BZW2: variants seen among roughly 807,000 people sequenced by gnomAD.
BZW2 encodes basic leucine zipper and W2 domains 2.
In BZW2, 23 loss-of-function variants were observed where a neutral mutation model predicts 53.2. The observed-to-expected ratio is 0.43, with a 90% confidence interval of 0.31 to 0.61. The LOEUF is 0.61. Ranked by LOEUF, BZW2 falls within the 20% of genes least tolerant of loss-of-function variation. The probability of loss-of-function intolerance (pLI) is 0.09; values close to 1 mark genes in which losing one functional copy is unlikely to be tolerated. For synonymous variants in BZW2, 227 were observed against 186.4 expected (o/e 1.22, Z -1.77); for missense variants, 409 against 503.1 (o/e 0.81, Z 1.79).
chr7:16,701,370 G>C (rs778150516), intron 10 of BZW2, among the ~76,000 whole-genome samples: 1 of 151,984 alleles, frequency 6.6e-6, no homozygotes, highest in Non-Finnish European at 1.5e-5. Context: ...GGGTTTTCTT[G>C]TTTGCAGAAA....
chr7:16,662,537 G>C (rs1164104458), intron 1 of BZW2, among the ~76,000 whole-genome samples: 1 of 152,072 alleles, frequency 6.6e-6, no homozygotes, highest in African/African-American at 2.4e-5. Context: ...GAGTTAATTA[G>C]GGAATTCCAT....
At chr7:16,670,566 A>G (rs552106426) in intron 2 of BZW2, among the ~76,000 whole-genome samples, 1 of 152,258 alleles carries the variant, frequency 6.6e-6, no homozygotes, top group East Asian at 1.9e-4. Flanking sequence ...CACCTTTCTC[A>G]TATTATAGGA....
At chr7:16,651,614 G>A (rs977418390) in intron 1 of BZW2, among the ~76,000 whole-genome samples, 1 of 152,186 alleles carries the variant, frequency 6.6e-6, no homozygotes, top group Non-Finnish European at 1.5e-5. Context: ...GTATTTGGGA[G>A]TGTGAAGATT....
intron 10 of BZW2, among the ~76,000 whole-genome samples, chr7:16,704,273 G>A (rs1471437809): frequency 6.6e-6 from 1 of 152,184 alleles, no homozygotes; most frequent in Non-Finnish European, 1.5e-5. Context: ...AATTAGCACT[G>A]TGAGAGATTT....
chr7:16,682,826 T>A lies in BZW2; in HGVS notation c.386T>A (p.Phe129Tyr). ...IRRYKYLEKA[F>Y]EDEMKKLLLF... Reference sequence around the variant, plus strand: ...AGATATAAGTATTTGGAGAAGGCATTTGAAGATGAAATGAAAAAGGTAAAA... The same window carrying A: ...AGATATAAGTATTTGGAGAAGGCATATGAAGATGAAATGAAAAAGGTAAAA... The change falls in exon 5 of 12, where the codon TTT becomes TAT. Residue 129 changes from phenylalanine to tyrosine, a missense_variant. Coordinates refer to ENST00000258761, the MANE Select transcript of BZW2 (RefSeq NM_014038.3). 1 of 1,579,916 alleles carries A rather than the reference T, an allele frequency of 6.3e-7. No homozygotes were observed. The highest frequency in any genetic ancestry group is 8.7e-7 in the Non-Finnish European group (1 of 1,155,796).
intron 1 of BZW2, among the ~76,000 whole-genome samples, chr7:16,646,983 A>G (rs960917157): frequency 7.2e-5 from 11 of 152,082 alleles, no homozygotes; most frequent in Non-Finnish European, 1.5e-4. Flanking sequence ...GGGAGGTTGG[A>G]GAGGGCGGAG....
chr7:16,672,534 T>C (rs1168088185), intron 2 of BZW2, among the ~76,000 whole-genome samples: 1 of 152,190 alleles, frequency 6.6e-6, no homozygotes, highest in South Asian at 2.1e-4. Flanking sequence ...CCTTTCTCTC[T>C]AGAGAGATCT....
chr7:16,682,078 T>C lies in BZW2; in HGVS notation c.339+674T>C, dbSNP rs995927315. On this transcript the variant is annotated intron_variant, in intron 4 of 11. Transcript: ENST00000258761. The stretch of plus-strand genomic sequence containing the variant: ...CATAAAGGGCAACCATATTTTTTAC[T>C]CTTGGACTCCATCTTGATTACATTA... Among the ~76,000 whole-genome samples the C allele has an allele frequency of 1.8e-4, 27 of 152,322 alleles. 1 individual carries two copies. Among genetic ancestry groups the C allele is most frequent in the Middle Eastern group, 3.4e-3 (1 of 294 alleles).
chr7:16,668,578 A>T (rs1026480231), intron 2 of BZW2, among the ~76,000 whole-genome samples: 1 of 152,172 alleles, frequency 6.6e-6, no homozygotes, highest in African/African-American at 2.4e-5. Context: ...CTTTGCTATT[A>T]TGAAGGGGCT....
chr7:16,664,426 A>G (rs1782358251), intron 1 of BZW2, among the ~76,000 whole-genome samples: 1 of 152,226 alleles, frequency 6.6e-6, no homozygotes, highest in South Asian at 2.1e-4. Context: ...AATGATTGCA[A>G]GGAGATAGCC....
At position 16,682,857 on chromosome 7, in the gene BZW2, A is replaced by G. The variant is rs1005275064; in HGVS notation, c.405+12A>G. 7 of 1,535,580 alleles carry G rather than the reference A, an allele frequency of 4.6e-6. No individual in the cohort carries two copies. The highest frequency in any genetic ancestry group is 2.8e-5 in the African/African-American group (2 of 72,524). On this transcript the variant is annotated intron_variant, in intron 5 of 11. Coordinates refer to ENST00000258761, the MANE Select transcript of BZW2 (RefSeq NM_014038.3). ...ATGAAATGAAAAAGGTAAAAATTCA[A>G]ATATAATGCCTATCTGTTTTATAGT... is the stretch of plus-strand genomic sequence containing the variant.
intron 11 of BZW2, among the ~76,000 whole-genome samples, chr7:16,705,315 G>A (rs1334123574): frequency 3.3e-5 from 5 of 149,724 alleles, no homozygotes; most frequent in Admixed American, 2.7e-4. Context: ...CCAAGATTGC[G>A]CCACTGCACG....
intron 10 of BZW2, among the ~76,000 whole-genome samples, chr7:16,701,831 G>A (rs910288339): frequency 6.6e-6 from 1 of 152,140 alleles, no homozygotes; most frequent in Non-Finnish European, 1.5e-5. Flanking sequence ...TCAGGATGTA[G>A]AAGAAAACAA....
chr7:16,679,684 T>C (rs796973303), intron 3 of BZW2, among the ~76,000 whole-genome samples: 38 of 152,258 alleles, frequency 2.5e-4, no homozygotes, highest in African/African-American at 9.1e-4. Flanking sequence ...CTCAAACAAA[T>C]AAAGGGAGTG....
chr7:16,656,876 G>A (rs906244194), intron 1 of BZW2, among the ~76,000 whole-genome samples: 2 of 152,114 alleles, frequency 1.3e-5, no homozygotes, highest in Admixed American at 6.5e-5. Flanking sequence ...ATTGCCCTGG[G>A]CTAGGCCAGT....
chr7:16,681,231 T>C (rs1484156086), intron 3 of BZW2, 70 bp from the exon 4 acceptor site: 3 of 1,189,214 alleles, frequency 2.5e-6, no homozygotes, highest in Non-Finnish European at 3.7e-6. Context: ...TTTGCCAGAA[T>C]TGATGTGTTC....
rs1014122977 is a variant in BZW2, at chr7:16,670,636, G to A, written c.59-3776G>A. ...TGCCTGTTGGCTAGACCCTGAGTGG[G>A]AGGTGAAGTTTTCTGTGCTTTTCAG... On this transcript the variant is annotated intron_variant, in intron 2 of 11. Coordinates refer to ENST00000258761, the MANE Select transcript of BZW2 (RefSeq NM_014038.3). Among the ~76,000 whole-genome samples, 8 of 152,302 alleles carry A rather than the reference G, an allele frequency of 5.3e-5. No homozygotes were observed. In the South Asian group the frequency reaches 1.4e-3, roughly 28 times the overall value.
At chr7:16,667,617 A>G (rs1210645803) in intron 2 of BZW2, among the ~76,000 whole-genome samples, 1 of 152,224 alleles carries the variant, frequency 6.6e-6, no homozygotes, top group Non-Finnish European at 1.5e-5. Context: ...TTGGATCAGA[A>G]GAGTTTGTAA....
intron 7 of BZW2, among the ~76,000 whole-genome samples, chr7:16,692,768 C>T (rs548427214): frequency 6.6e-6 from 1 of 152,066 alleles, no homozygotes; most frequent in Non-Finnish European, 1.5e-5. Context: ...CGTCTCAAAA[C>T]AAAACAAAAC....
Sources: allele counts gnomAD v4.1 joint callset (sites outside exome capture counted in the v4.1 genomes callset), GRCh38; gene constraint gnomAD v4.1.1; transcripts MANE v1.5; gene names NCBI Gene and HGNC (gene_info 2026-07-23, HGNC 2026-07-21).